The following RPAP2 variants were observed in gnomAD, a reference collection of about 807,000 sequenced individuals.
RPAP2 encodes the protein putative RNA polymerase II subunit B1 CTD phosphatase RPAP2.
Under a neutral mutation model 73.1 loss-of-function variants are expected in RPAP2, and 52 were observed. The observed-to-expected ratio is 0.71, with a 90% CI of 0.57 to 0.90. The LOEUF is 0.90. Ranked by LOEUF, RPAP2 falls within the 40% of genes least tolerant of loss-of-function variation. The pLI is 0.00. For synonymous variants in RPAP2, 225 were observed against 242.1 expected (o/e 0.93, Z 0.65); for missense variants, 598 against 701.8 (o/e 0.85, Z 1.67).
In RPAP2 at chr1:92,316,575, A is replaced by G. The variant is rs562736187; in HGVS notation, c.489-4024A>G. On this transcript the variant is annotated intron_variant, in intron 6 of 12. Transcript: ENST00000610020. ...TCTAATTTATACCTTAGTGAAAGTA[A>G]GATGAAAATGTTTATAAAGAAACAG... 3.0e-4 allele frequency among the ~76,000 whole-genome samples: 45 copies of G among 152,380 alleles called. 1 individual carries two copies. In the South Asian group the frequency reaches 8.9e-3, roughly 30 times the overall value.
intron 11 of RPAP2, among the ~76,000 whole-genome samples, chr1:92,347,241 G>A (rs1284759267): frequency 2.6e-5 from 4 of 152,158 alleles, no homozygotes; most frequent in African/African-American, 9.7e-5. Context: ...AGCTGAATTG[G>A]TAATTTGTGA....
chr1:92,323,594 C>T lies in RPAP2; in HGVS notation c.674C>T (p.Ser225Phe), dbSNP rs1260172367. The T allele has an allele frequency of 1.9e-6, 3 of 1,613,930 alleles. No homozygotes were observed. The highest frequency in any genetic ancestry group is 2.5e-6 in the Non-Finnish European group (3 of 1,180,002). Residue 225 changes from serine (S) to phenylalanine (F), a missense_variant, in exon 8 of 13, where the codon TCC (serine) becomes TTC (phenylalanine). By Grantham distance (155) the Ser-to-Phe change is radical. Transcript: ENST00000610020. Reference protein sequence around the residue: ...SSSDNEQDFVSSILPGNRPNS... With the variant: ...SSSDNEQDFVFSILPGNRPNS... ...AGTGACAATGAGCAAGACTTTGTTTCCTCCATTCTACCAGGAAACAGACCA... is the reference window on the plus strand; with the variant it reads ...AGTGACAATGAGCAAGACTTTGTTTTCTCCATTCTACCAGGAAACAGACCA...
intron 6 of RPAP2, among the ~76,000 whole-genome samples, chr1:92,310,752 C>T (rs1651544102): frequency 6.6e-6 from 1 of 152,012 alleles, no homozygotes; most frequent in Non-Finnish European, 1.5e-5. Context: ...TAAAAATTAG[C>T]CAGGAGTGCT....
chr1:92,314,498 C>G (rs1470639087), intron 6 of RPAP2, among the ~76,000 whole-genome samples: 1 of 152,120 alleles, frequency 6.6e-6, no homozygotes, highest in Admixed American at 6.5e-5. Context: ...CACCAGTAAT[C>G]CAGCACTTTG....
rs985112439 is a variant in RPAP2, at chr1:92,398,567, T to C, written c.*11556T>C. On this transcript the variant is annotated 3_prime_UTR_variant, in exon 13 of 13. Transcript: ENST00000610020. Reference sequence around the variant, plus strand: ...CTTCGTAGAAAAAGAAAAGTAAGCATTTCTAGAAGCACATTTTTGTTGGAC... The same window carrying C: ...CTTCGTAGAAAAAGAAAAGTAAGCACTTCTAGAAGCACATTTTTGTTGGAC... 6.6e-6 allele frequency: 1 copy of C among 152,236 alleles called. No homozygotes were observed. The highest frequency in any genetic ancestry group is 1.5e-5 in the Non-Finnish European group (1 of 68,058). The allele number at this position is 152,236 out of a possible 1,614,324, so 9.4% of individuals were successfully genotyped here. A position where few individuals can be genotyped will look rare whatever the true frequency, so the allele number is the denominator to read the frequency against.
chr1:92,386,904 G>A, intron 12 of RPAP2, 107 bp from the exon 13 acceptor site: 1 of 785,700 alleles, frequency 1.3e-6, no homozygotes, highest in East Asian at 2.7e-5. Flanking sequence ...TAGAGATGGG[G>A]GTTTCACCAT....
intron 11 of RPAP2, among the ~76,000 whole-genome samples, chr1:92,370,114 G>A (rs1019770754): frequency 2.6e-5 from 4 of 152,106 alleles, no homozygotes; most frequent in Admixed American, 6.5e-5. Context: ...TGAACTCCTG[G>A]CCAAAAGTGA....
intron 6 of RPAP2, among the ~76,000 whole-genome samples, chr1:92,314,994 G>A (rs1005047607): frequency 1.3e-5 from 2 of 152,130 alleles, no homozygotes; most frequent in East Asian, 1.9e-4. Flanking sequence ...GCAGTGAACC[G>A]AGATAGTGCC....
At chr1:92,300,632 T>C (rs1650771700) in intron 2 of RPAP2, among the ~76,000 whole-genome samples, 1 of 152,148 alleles carries the variant, frequency 6.6e-6, no homozygotes, top group Non-Finnish European at 1.5e-5. Flanking sequence ...CTTGTACTAG[T>C]TCTGGTTCTA....
chr1:92,309,854 G>A (rs1651487433), intron 6 of RPAP2, among the ~76,000 whole-genome samples: 1 of 152,158 alleles, frequency 6.6e-6, no homozygotes, highest in South Asian at 2.1e-4. Flanking sequence ...GATAACAATA[G>A]GTAAATAACA....
chr1:92,364,197 C>T (rs184747554), intron 11 of RPAP2, among the ~76,000 whole-genome samples: 143 of 152,220 alleles, frequency 9.4e-4, no homozygotes, highest in Non-Finnish European at 1.7e-3. Context: ...TCAGGGTTCC[C>T]TTCTTCCCCA....
intron 11 of RPAP2, among the ~76,000 whole-genome samples, chr1:92,354,594 C>T (rs181196192): frequency 2.6e-5 from 4 of 152,222 alleles, no homozygotes. Context: ...AAACCTAAAG[C>T]ATTAAATGCA....
chr1:92,316,292 A>T (rs1651900754), intron 6 of RPAP2, among the ~76,000 whole-genome samples: 2 of 152,186 alleles, frequency 1.3e-5, no homozygotes, highest in South Asian at 4.1e-4. Flanking sequence ...CTGCAGAACA[A>T]CTATAACCTC....
intron 11 of RPAP2, 137 bp from the exon 12 acceptor site, chr1:92,380,587 A>C: frequency 2.0e-6 from 1 of 503,458 alleles, no homozygotes; most frequent in East Asian, 3.2e-5. Flanking sequence ...TTGTTAGTAA[A>C]GCCTTCTCTC....
rs553480939 is a variant in RPAP2, at chr1:92,316,181, C to A, written c.489-4418C>A. Among the ~76,000 whole-genome samples the A allele has an allele frequency of 9.2e-5, 14 of 152,124 alleles. 1 individual carries two copies. The highest frequency in any genetic ancestry group is 7.2e-4 in the Admixed American group (11 of 15,262). On this transcript the variant is annotated intron_variant, in intron 6 of 12. Coordinates refer to ENST00000610020, the MANE Select transcript of RPAP2 (RefSeq NM_024813.3). ...AATTGGGGTGAATGGTTAATGCTGA[C>A]AGAGCTAAAAGCGCCATCATCTGGT...
In RPAP2 at chr1:92,356,034, T is replaced by G. The variant is rs114579049; in HGVS notation, c.1688+10120T>G. Among the ~76,000 whole-genome samples the G allele has an allele frequency of 7.2e-3, 1,092 of 152,342 alleles. 12 individuals are homozygous for G. The highest frequency in any genetic ancestry group is 0.025 in the African/African-American group (1,045 of 41,586). On this transcript the variant is annotated intron_variant, in intron 11 of 12. Coordinates refer to ENST00000610020, the MANE Select transcript of RPAP2 (RefSeq NM_024813.3). ...AGCAAAATGAAATGTGTAAATTAAT[T>G]TTTTAAATGTTAAAATATGTTTTAA...
chr1:92,328,126 T>A (rs990222595), intron 8 of RPAP2, among the ~76,000 whole-genome samples: 4 of 152,242 alleles, frequency 2.6e-5, no homozygotes, highest in African/African-American at 9.6e-5. Context: ...CTGATGACTA[T>A]GTGCCGGGGC....
chr1:92,382,205 T>C (rs964141692), intron 12 of RPAP2, among the ~76,000 whole-genome samples: 3 of 152,220 alleles, frequency 2.0e-5, no homozygotes, highest in African/African-American at 7.2e-5. Context: ...GTCTTTGCTA[T>C]TGTGAATAGT....
rs911964042 is a variant in RPAP2, at chr1:92,397,044, A to G, written c.*10033A>G. The G allele has an allele frequency of 7.2e-5, 11 of 152,188 alleles. No individual in the cohort carries two copies. Among genetic ancestry groups the G allele is most frequent in the African/African-American group, 2.7e-4 (11 of 41,450 alleles). The allele number at this position is 152,188 out of a possible 1,614,324, so 9.4% of individuals were successfully genotyped here. On this transcript the variant is annotated 3_prime_UTR_variant, in exon 13 of 13. Transcript: ENST00000610020. Reference sequence around the variant, plus strand: ...ACCTTAATAAAGCTATTAAAAGTCAAAGATTATAACAGGGCCTCTCTCTCT... The same window carrying G: ...ACCTTAATAAAGCTATTAAAAGTCAGAGATTATAACAGGGCCTCTCTCTCT...
Sources: gnomAD v4.1 joint callset for allele counts (sites outside exome capture counted in the v4.1 genomes callset) on GRCh38, gnomAD v4.1.1 for gene constraint, MANE v1.5 for transcripts, NCBI Gene and HGNC (gene_info 2026-07-23, HGNC 2026-07-21) for gene names.